The following NCBP3 variants were observed in gnomAD, a reference collection of about 807,000 sequenced individuals.
The protein encoded by NCBP3 is nuclear cap binding subunit 3.
In NCBP3, 20 loss-of-function variants were observed where a neutral mutation model predicts 75.7. That is an observed-to-expected ratio of 0.26 (90% CI 0.19 to 0.38). NCBP3 has a LOEUF of 0.38. Ranked by LOEUF, NCBP3 falls within the 10% of genes least tolerant of loss-of-function variation. NCBP3 has a pLI of 1.00. For missense variants in NCBP3, 678 were observed against 796.9 expected (o/e 0.85, Z 1.80); for synonymous variants, 293 against 290.5 (o/e 1.01, Z -0.09).
Position 3,816,282 on chromosome 17 carries a change from G to A in NCBP3, c.1311-12C>T. ...CCCTCATGGAGTTCCTTTAAAAAGG[G>A]GGTAGGATGGGGCACAGTTAACCAA... is the stretch of plus-strand genomic sequence containing the variant. On this transcript the variant is annotated splice_polypyrimidine_tract_variant and intron_variant, in intron 10 of 12. Coordinates refer to ENST00000389005, the MANE Select transcript of NCBP3 (RefSeq NM_001114118.3). 1.9e-6 allele frequency: 3 copies of A among 1,610,438 alleles called. No individual in the cohort carries two copies. The highest frequency in any genetic ancestry group is 1.7e-6 in the Non-Finnish European group (2 of 1,178,194).
At chr17:3,824,829 T>G (rs1271424359) in intron 7 of NCBP3, 113 bp downstream of exon 7, 1 of 560,920 alleles carries the variant, frequency 1.8e-6, no homozygotes, top group Non-Finnish European at 3.0e-6. Context: ...TATTATAGTT[T>G]GAAGGGAACT....
chr17:3,836,858 C>T (rs1204341018), intron 3 of NCBP3, among the ~76,000 whole-genome samples: 1 of 151,690 alleles, frequency 6.6e-6, no homozygotes, highest in Non-Finnish European at 1.5e-5. Context: ...ATTAAAAGTA[C>T]CTGAAAAGAT....
chr17:3,822,133 T>C, intron 7 of NCBP3, 81 bp from the exon 8 acceptor site: 2 of 965,468 alleles, frequency 2.1e-6, no homozygotes, highest in East Asian at 2.4e-5. Flanking sequence ...ATGTTTTCCA[T>C]AGCTGGAATC....
Position 3,808,583 on chromosome 17 carries a change from GCA to G in NCBP3, c.*4459_*4460del, listed in dbSNP as rs1194348067. The G allele has an allele frequency of 6.6e-6, 1 of 152,236 alleles. No individual in the cohort carries two copies. Among genetic ancestry groups the G allele is most frequent in the African/African-American group, 2.4e-5 (1 of 41,434 alleles). 9.4% of individuals were successfully genotyped at this position (152,236 alleles called of 1,614,324 possible). ...TCACTGGAGGTAGAAACAGCTCTGT[GCA>G]CAGTCTGTAGGGCTAGTGAGATCAA... On this transcript the variant is annotated 3_prime_UTR_variant, in exon 13 of 13. Coordinates refer to ENST00000389005, the MANE Select transcript of NCBP3 (RefSeq NM_001114118.3).
rs2053439143 is a variant in NCBP3 at position 3,812,596 on chromosome 17, A to T, written c.*448T>A. On this transcript the variant is annotated 3_prime_UTR_variant, in exon 13 of 13. Transcript: ENST00000389005. ...CCGCTTCCCTCCTCTTCCCCCTCGAAGGATGTCCAATAAGCACCTGGGAAT... is the reference window on the plus strand; with the variant it reads ...CCGCTTCCCTCCTCTTCCCCCTCGATGGATGTCCAATAAGCACCTGGGAAT... The T allele has an allele frequency of 9.9e-7, 1 of 1,012,048 alleles. No individual in the cohort carries two copies. Among genetic ancestry groups the T allele is most frequent in the Non-Finnish European group, 1.2e-6 (1 of 846,002 alleles). The allele number at this position is 1,012,048 out of a possible 1,614,324, so 62.7% of individuals were successfully genotyped here.
intron 7 of NCBP3, among the ~76,000 whole-genome samples, chr17:3,823,103 A>G (rs1337617290): frequency 2.0e-5 from 3 of 152,152 alleles, no homozygotes; most frequent in Non-Finnish European, 4.4e-5. Flanking sequence ...CACAAGGTCA[A>G]GAGATCGAGA....
chr17:3,823,288 T>C (rs1462163942), intron 7 of NCBP3, among the ~76,000 whole-genome samples: 1 of 152,110 alleles, frequency 6.6e-6, no homozygotes, highest in Non-Finnish European at 1.5e-5. Context: ...GCGGTTGCAG[T>C]GAGCCAAGAT....
At chr17:3,845,891 C>T in intron 1 of NCBP3, 150 bp downstream of exon 1, 2 of 934,542 alleles carry the variant, frequency 2.1e-6, no homozygotes, top group South Asian at 1.8e-5. Context: ...TCCTCCAGCC[C>T]GGCGTTCCCG....
rs1018388288 is a variant in NCBP3, at chr17:3,807,603, C to A, written c.*5441G>T. 6.6e-6 allele frequency: 1 copy of A among 152,150 alleles called. No homozygotes were observed. Among genetic ancestry groups the A allele is most frequent in the Non-Finnish European group, 1.5e-5 (1 of 68,024 alleles). 9.4% of individuals were successfully genotyped at this position (152,150 alleles called of 1,614,324 possible). ...CTGATGAAAGGATACAGAGATAACACCACAAAGAAACTTGCTCATTAGGAG... is the reference window on the plus strand; with the variant it reads ...CTGATGAAAGGATACAGAGATAACAACACAAAGAAACTTGCTCATTAGGAG... On this transcript the variant is annotated 3_prime_UTR_variant, in exon 13 of 13. Transcript: ENST00000389005.
In NCBP3 at chr17:3,821,293, A is replaced by G. The variant is rs772753719; in HGVS notation, c.956T>C (p.Ile319Thr). Residue 319 changes from isoleucine to threonine, a missense_variant, in exon 9 of 13, where the codon ATT becomes ACT. Coordinates refer to ENST00000389005, the MANE Select transcript of NCBP3 (RefSeq NM_001114118.3). Reference sequence around the variant, plus strand: ...CGACGTCAAGCCAACGTCATCCCCAATCAGGGCTCTCTTCTTGATCACGTC... The same window carrying G: ...CGACGTCAAGCCAACGTCATCCCCAGTCAGGGCTCTCTTCTTGATCACGTC... ...QRDVIKKRAL[I>T]GDDVGLTSYK... 79 of 1,613,960 alleles carry G rather than the reference A, an allele frequency of 4.9e-5. No homozygotes were observed. Among genetic ancestry groups the G allele is most frequent in the Non-Finnish European group, 5.8e-5 (69 of 1,179,962 alleles).
At chr17:3,840,036 T>TGA (rs2054037340) in intron 3 of NCBP3, 64 bp downstream of exon 3, 23 of 1,277,470 alleles carry the variant, frequency 1.8e-5, no homozygotes, top group Non-Finnish European at 2.6e-5. Flanking sequence ...AAGCATGAGG[T>TGA]GATGGCAGGG....
At chr17:3,832,976 A>G (rs1277931040) in intron 3 of NCBP3, among the ~76,000 whole-genome samples, 2 of 152,030 alleles carry the variant, frequency 1.3e-5, no homozygotes, top group Non-Finnish European at 2.9e-5. Flanking sequence ...CCAGGTGGGC[A>G]TGGTGGCTCA....
At chr17:3,816,509 C>T (rs576710833) in intron 10 of NCBP3, among the ~76,000 whole-genome samples, 1 of 152,358 alleles carries the variant, frequency 6.6e-6, no homozygotes, top group East Asian at 1.9e-4. Flanking sequence ...TGTGTATGTG[C>T]TATTACACAG....
rs1170264907 is a variant in NCBP3 at position 3,814,342 on chromosome 17, T to C, written c.1607A>G (p.Asp536Gly). 6.2e-7 allele frequency: 1 copy of C among 1,614,030 alleles called. No individual in the cohort carries two copies. The highest frequency in any genetic ancestry group is 8.5e-7 in the Non-Finnish European group (1 of 1,180,006). ...CCAACCTGATTTCTTCTCCCGAGTA[T>C]CGGCGTAGAGGCCTTTACTATCCTG... Reference protein sequence around the residue: ...PRQDSKGLYADTREKKSGNLW... With the variant: ...PRQDSKGLYAGTREKKSGNLW... Residue 536 changes from aspartate to glycine, a missense_variant, in exon 12 of 13, where the codon GAT becomes GGT. This residue lies in a region of NCBP3 where 365 missense variants were observed against 392.7 expected (regional missense o/e 0.93). Coordinates refer to ENST00000389005, the MANE Select transcript of NCBP3 (RefSeq NM_001114118.3).
chr17:3,823,802 G>C (rs1372697883), intron 7 of NCBP3: 6 of 152,140 alleles, frequency 3.9e-5, no homozygotes, highest in Non-Finnish European at 8.8e-5. Flanking sequence ...CCTTAACCAA[G>C]TGAATAAAGT....
At chr17:3,826,779 C>T (rs1406962235) in intron 4 of NCBP3, among the ~76,000 whole-genome samples, 1 of 151,086 alleles carries the variant, frequency 6.6e-6, no homozygotes, top group Admixed American at 6.6e-5. Context: ...TTTGGGAGGC[C>T]GAGCCAGGCG....
chr17:3,828,070 C>T (rs1004985048), intron 4 of NCBP3, among the ~76,000 whole-genome samples: 19 of 152,174 alleles, frequency 1.2e-4, no homozygotes, highest in Admixed American at 2.0e-4. Context: ...AGGTGTGCAT[C>T]GCCACATGAG....
At chr17:3,842,575 C>A (rs2054084901) in intron 2 of NCBP3, among the ~76,000 whole-genome samples, 1 of 152,196 alleles carries the variant, frequency 6.6e-6, no homozygotes. Flanking sequence ...ACACAGGTAT[C>A]TAAGTAGAGT....
intron 10 of NCBP3, among the ~76,000 whole-genome samples, chr17:3,816,980 T>C (rs2053545316): frequency 1.3e-5 from 2 of 151,678 alleles, no homozygotes; most frequent in African/African-American, 4.9e-5. Context: ...TGAGCCGAGA[T>C]CGTGTTATCG....
Sources: gnomAD v4.1 joint callset for allele counts (sites outside exome capture counted in the v4.1 genomes callset) on GRCh38, gnomAD v4.1.1 for gene constraint, gnomAD v4.1.1 regional missense constraint, MANE v1.5 for transcripts, NCBI Gene and HGNC (gene_info 2026-07-23, HGNC 2026-07-21) for gene names.